SPICE1: variants seen among roughly 807,000 people sequenced by gnomAD.
The protein encoded by SPICE1 is spindle and centriole-associated protein 1.
In SPICE1, 75 loss-of-function variants were observed where a neutral mutation model predicts 102.7. The observed-to-expected ratio is 0.73, with a 90% CI of 0.61 to 0.88. SPICE1 has a LOEUF of 0.88. Ranked by LOEUF, SPICE1 falls within the 40% of genes least tolerant of loss-of-function variation. The pLI, the probability that SPICE1 is intolerant of heterozygous loss-of-function variation, is 0.00. For missense variants in SPICE1, 979 were observed against 1,020.1 expected (o/e 0.96, Z 0.55); for synonymous variants, 308 against 350.3 (o/e 0.88, Z 1.35).
intron 7 of SPICE1, among the ~76,000 whole-genome samples, chr3:113,475,589 A>T (rs1171076143): frequency 6.6e-6 from 1 of 152,142 alleles, no homozygotes; most frequent in Non-Finnish European, 1.5e-5. Flanking sequence ...ATCCACCATG[A>T]TCAAGTGGGC....
chr3:113,476,594 T>C (rs1214924984), intron 7 of SPICE1, among the ~76,000 whole-genome samples: 1 of 144,720 alleles, frequency 6.9e-6, no homozygotes, highest in African/African-American at 2.7e-5. Context: ...GAGATATAGA[T>C]CAATGGAACA....
At chr3:113,447,207 A>G (rs947567534) in intron 16 of SPICE1, among the ~76,000 whole-genome samples, 2 of 152,148 alleles carry the variant, frequency 1.3e-5, no homozygotes, top group African/African-American at 4.8e-5. Context: ...CAACATGAAA[A>G]TGGACTAATA....
intron 8 of SPICE1, 45 bp downstream of exon 8, chr3:113,469,054 C>T (rs1936131257): frequency 6.3e-7 from 1 of 1,592,306 alleles, no homozygotes; most frequent in African/African-American, 1.4e-5. Flanking sequence ...CAAGAATGAA[C>T]CTAATAAAGC....
In SPICE1 at chr3:113,486,866, T is replaced by G. The variant is rs1323303830; in HGVS notation, c.611+2079A>C. 3.6e-5 allele frequency among the ~76,000 whole-genome samples: 3 copies of G among 83,704 alleles called. No homozygotes were observed. In the East Asian group the frequency reaches 9.5e-4, roughly 27 times the overall value. 54.9% of individuals were successfully genotyped at this position (83,704 alleles called of 152,430 possible). A position where few individuals can be genotyped will look rare whatever the true frequency, so the allele number is the denominator to read the frequency against. On this transcript the variant is annotated intron_variant, in intron 7 of 17. Coordinates refer to ENST00000295872, the MANE Select transcript of SPICE1 (RefSeq NM_144718.4). ...TTATATAAGAGAAAATAAGGAGATATATATATATATATATATATCTGCTTA... is the reference window on the plus strand; with the variant it reads ...TTATATAAGAGAAAATAAGGAGATAGATATATATATATATATATCTGCTTA...
chr3:113,460,788 A>G (rs747684040), intron 11 of SPICE1, 24 bp from the exon 12 acceptor site: 1 of 1,565,686 alleles, frequency 6.4e-7, no homozygotes, highest in South Asian at 1.2e-5. Context: ...CATATGAAAT[A>G]ATATTATTAG....
chr3:113,455,413 T>C (rs1171208581), intron 13 of SPICE1, among the ~76,000 whole-genome samples: 1 of 152,234 alleles, frequency 6.6e-6, no homozygotes, highest in African/African-American at 2.4e-5. Flanking sequence ...TCTAGCTATA[T>C]GTGGCTATTC....
intron 1 of SPICE1, among the ~76,000 whole-genome samples, chr3:113,513,948 G>A (rs192149606): frequency 6.6e-6 from 1 of 152,290 alleles, no homozygotes; most frequent in East Asian, 1.9e-4. Context: ...CAACAAAAGG[G>A]CAGCATGGGA....
chr3:113,489,902 A>G (rs1370506222), intron 6 of SPICE1, among the ~76,000 whole-genome samples: 3 of 150,838 alleles, frequency 2.0e-5, no homozygotes, highest in South Asian at 4.2e-4. Flanking sequence ...AACTCCCATA[A>G]TACTGTATTT....
rs1017831882 is a variant in SPICE1 at position 113,474,780 on chromosome 3, C to T, written c.612-5542G>A. 2.6e-5 allele frequency among the ~76,000 whole-genome samples: 4 copies of T among 151,892 alleles called. 1 individual carries two copies. In the South Asian group the frequency reaches 6.3e-4, roughly 24 times the overall value. On this transcript the variant is annotated intron_variant, in intron 7 of 17. Coordinates refer to ENST00000295872, the MANE Select transcript of SPICE1 (RefSeq NM_144718.4). The stretch of plus-strand genomic sequence containing the variant: ...AACATACCAGAATCTCTGGGACACA[C>T]TCAAAGCAGTGTGTAGAGGGAAATT...
At chr3:113,469,813 A>G (rs1253484197) in intron 7 of SPICE1, among the ~76,000 whole-genome samples, 1 of 152,120 alleles carries the variant, frequency 6.6e-6, no homozygotes, top group East Asian at 1.9e-4. Context: ...GTTTTGTGGT[A>G]TGGCTCCATC....
intron 6 of SPICE1, among the ~76,000 whole-genome samples, chr3:113,489,847 CA>C (rs35823502): frequency 0.018 from 1,422 of 80,140 alleles, 10 homozygotes; most frequent in African/African-American, 0.051. Flanking sequence ...GACCCTGTCT[CA>C]AAAAAAAAAA....
At chr3:113,447,249 G>C (rs1385366909) in intron 16 of SPICE1, among the ~76,000 whole-genome samples, 1 of 152,086 alleles carries the variant, frequency 6.6e-6, no homozygotes, top group Admixed American at 6.6e-5. Flanking sequence ...AGCTGTTTTA[G>C]GTTTATGGAA....
At chr3:113,499,717 T>C in intron 3 of SPICE1, 135 bp from the exon 4 acceptor site, 1 of 859,322 alleles carries the variant, frequency 1.2e-6, no homozygotes, top group East Asian at 3.0e-5. Context: ...TTTATATATA[T>C]TCATAGCCAA....
Position 113,465,795 on chromosome 3 carries a change from A to G in SPICE1, c.1156-11T>C, listed in dbSNP as rs146456814. On this transcript the variant is annotated splice_polypyrimidine_tract_variant and intron_variant, in intron 10 of 17. Transcript: ENST00000295872. ...TAGCTGGATCTCACTCTACAAAAAA[A>G]TATCAAATAAACTTCCACCAATAGC... 25,216 of 1,607,316 alleles carry G rather than the reference A, an allele frequency of 0.016. 255 individuals are homozygous for G. The highest frequency in any genetic ancestry group is 0.019 in the Non-Finnish European group (22,346 of 1,178,132).
At chr3:113,477,010 G>C in intron 7 of SPICE1, among the ~76,000 whole-genome samples, 1 of 152,004 alleles carries the variant, frequency 6.6e-6, no homozygotes. Context: ...CTACAAAATG[G>C]GAGAAAATTT....
chr3:113,508,459 A>C (rs1215481215), intron 1 of SPICE1, among the ~76,000 whole-genome samples: 1 of 152,168 alleles, frequency 6.6e-6, no homozygotes, highest in Non-Finnish European at 1.5e-5. Context: ...TGGGCATAGG[A>C]CTTGAATAGA....
Position 113,513,146 on chromosome 3 carries a change from T to A in SPICE1, c.-1+1751A>T, listed in dbSNP as rs534019982. On this transcript the variant is annotated intron_variant, in intron 1 of 17. Coordinates refer to ENST00000295872, the MANE Select transcript of SPICE1 (RefSeq NM_144718.4). The stretch of plus-strand genomic sequence containing the variant: ...AAAACTTCAAACACAGTGGCTCGCA[T>A]CTGTAATCCCAGCAACTCGGGAGGC... Among the ~76,000 whole-genome samples, 14 of 152,102 alleles carry A rather than the reference T, an allele frequency of 9.2e-5. No individual in the cohort carries two copies. The East Asian group carries it at 2.5e-3, about 27-fold the overall frequency.
chr3:113,457,500 C>T (rs1935805764), intron 12 of SPICE1, 143 bp from the exon 13 acceptor site: 1 of 761,272 alleles, frequency 1.3e-6, no homozygotes, highest in Non-Finnish European at 2.1e-6. Context: ...ACTTTCTAGG[C>T]TGTATCCTCC....
chr3:113,489,195 T>A, intron 6 of SPICE1, 132 bp from the exon 7 acceptor site: 1 of 608,308 alleles, frequency 1.6e-6, no homozygotes, highest in Non-Finnish European at 2.9e-6. Context: ...ACACAAATCT[T>A]CTCACATCCT....
Sources: allele counts gnomAD v4.1 joint callset (sites outside exome capture counted in the v4.1 genomes callset), GRCh38; gene constraint gnomAD v4.1.1; transcripts MANE v1.5; gene names NCBI Gene and HGNC (gene_info 2026-07-23, HGNC 2026-07-21).